Variants in COL9A1 observed in about 807,000 individuals in gnomAD.
COL9A1 encodes collagen type IX alpha 1 chain.
COL9A1 carries 104 observed loss-of-function variants against 142.6 expected under a neutral mutation model. That is an observed-to-expected ratio of 0.73 (90% CI 0.62 to 0.86). The LOEUF (loss-of-function observed/expected upper bound fraction) is 0.86, where lower values mean the gene tolerates loss of function less well. COL9A1 is among the 40% of genes least tolerant of loss of function. The pLI, the probability that COL9A1 is intolerant of heterozygous loss-of-function variation, is 0.00. For missense variants in COL9A1, 1,210 were observed against 1,176.6 expected (o/e 1.03, Z -0.42); for synonymous variants, 466 against 396.0 (o/e 1.18, Z -2.10).
chr6:70,294,811 G>T (rs1373029001), intron 4 of COL9A1, among the ~76,000 whole-genome samples: 1 of 152,102 alleles, frequency 6.6e-6, no homozygotes, highest in African/African-American at 2.4e-5. Flanking sequence ...GCTAAGGAAG[G>T]TTCCCAATGC....
At chr6:70,253,553 G>A in intron 25 of COL9A1, 124 bp from the exon 26 acceptor site, 1 of 723,776 alleles carries the variant, frequency 1.4e-6, no homozygotes, top group Non-Finnish European at 2.5e-6. Context: ...TTAATGTAAG[G>A]AAGATGCTTC....
rs902029229 is a variant in COL9A1, at chr6:70,283,876, A to T, written c.697-56T>A. 8 of 1,270,026 alleles carry T rather than the reference A, an allele frequency of 6.3e-6. No homozygotes were observed. The African/African-American group carries it at 1.2e-4, about 19-fold the overall frequency. 78.7% of individuals were successfully genotyped at this position (1,270,026 alleles called of 1,614,324 possible). A position where few individuals can be genotyped will look rare whatever the true frequency, so the allele number is the denominator to read the frequency against. The stretch of plus-strand genomic sequence containing the variant: ...GTTTTTTGGACGACTGAAGCTGGTC[A>T]TTCAAGAGAGAGATGAGTTGCGTCT... On this transcript the variant is annotated intron_variant, in intron 5 of 37. Transcript: ENST00000357250.
chr6:70,218,434 G>A (rs979236469), intron 37 of COL9A1, among the ~76,000 whole-genome samples: 4 of 152,176 alleles, frequency 2.6e-5, no homozygotes, highest in Admixed American at 6.5e-5. Context: ...AGGAATTTCT[G>A]CTGAATGTTT....
chr6:70,243,428 C>G (rs1770392255), intron 28 of COL9A1, among the ~76,000 whole-genome samples: 1 of 152,190 alleles, frequency 6.6e-6, no homozygotes, highest in Non-Finnish European at 1.5e-5. Context: ...AAATGCTAAG[C>G]TTTTCTAATC....
chr6:70,230,375 T>C (rs1769469083), intron 36 of COL9A1, among the ~76,000 whole-genome samples: 2 of 152,046 alleles, frequency 1.3e-5, no homozygotes, highest in South Asian at 2.1e-4. Flanking sequence ...TAAGAGAAGA[T>C]ACAGCTTTAA....
chr6:70,301,857 G>A, intron 2 of COL9A1, 144 bp downstream of exon 2: 2 of 707,828 alleles, frequency 2.8e-6, no homozygotes, highest in South Asian at 1.6e-5. Flanking sequence ...AGAACCTAAT[G>A]TATCCCTGTG....
intron 25 of COL9A1, 34 bp downstream of exon 25, chr6:70,254,442 A>G: frequency 6.3e-7 from 1 of 1,596,568 alleles, no homozygotes; most frequent in Non-Finnish European, 8.6e-7. Context: ...ACATGTATAT[A>G]AACCAATTAA....
intron 4 of COL9A1, among the ~76,000 whole-genome samples, chr6:70,295,417 G>A (rs554303258): frequency 6.7e-6 from 1 of 149,934 alleles, no homozygotes; most frequent in African/African-American, 2.5e-5. Context: ...CTTCCAAGTA[G>A]GTGGGATTAC....
At chr6:70,300,275 G>A (rs1340207062) in intron 3 of COL9A1, 34 bp downstream of exon 3, 2 of 1,604,530 alleles carry the variant, frequency 1.2e-6, no homozygotes, top group Non-Finnish European at 1.7e-6. Flanking sequence ...TTTATAGAAA[G>A]CATGCATTTT....
At chr6:70,218,791 A>G (rs1348369828) in intron 37 of COL9A1, among the ~76,000 whole-genome samples, 3 of 152,218 alleles carry the variant, frequency 2.0e-5, no homozygotes, top group South Asian at 4.1e-4. Context: ...CCTGCTTTAC[A>G]TAACATCTCA....
intron 6 of COL9A1, chr6:70,283,143 C>A: frequency 6.6e-7 from 1 of 1,526,050 alleles, no homozygotes; most frequent in Non-Finnish European, 8.8e-7. Context: ...GGTGGCACTT[C>A]GTCCCTGCAG....
chr6:70,263,627 A>C (rs1054807430), intron 18 of COL9A1, among the ~76,000 whole-genome samples: 1 of 151,992 alleles, frequency 6.6e-6, no homozygotes, highest in Non-Finnish European at 1.5e-5. Flanking sequence ...AGAGATAGAG[A>C]GAGTAAAGTT....
intron 17 of COL9A1, among the ~76,000 whole-genome samples, chr6:70,267,327 G>GTTTTTTT (rs61373051): frequency 2.4e-5 from 3 of 127,032 alleles, no homozygotes; most frequent in Non-Finnish European, 3.3e-5. Context: ...TGGTTTTTTT[G>GTTTTTTT]TTTTTTTTTT....
intron 20 of COL9A1, among the ~76,000 whole-genome samples, chr6:70,259,168 A>C (rs1771515191): frequency 6.6e-6 from 1 of 152,208 alleles, no homozygotes; most frequent in African/African-American, 2.4e-5. Flanking sequence ...AAAATGATAA[A>C]TAAGCTTCAT....
Position 70,216,211 on chromosome 6 carries a change from T to C in COL9A1, c.*686A>G, listed in dbSNP as rs1768491756. The C allele has an allele frequency of 6.6e-6, 1 of 152,648 alleles. No individual in the cohort carries two copies. Among genetic ancestry groups the C allele is most frequent in the African/African-American group, 2.4e-5 (1 of 41,450 alleles). The allele number at this position is 152,648 out of a possible 1,614,324, so 9.5% of individuals were successfully genotyped here. On this transcript the variant is annotated 3_prime_UTR_variant, in exon 38 of 38. Transcript: ENST00000357250. ...AATAAATAATCTCATCAATAAAATT[T>C]ATGAATGCCAGAGTATTAAAATTAT...
intron 36 of COL9A1, among the ~76,000 whole-genome samples, chr6:70,230,646 C>G (rs1418351007): frequency 1.3e-5 from 2 of 152,200 alleles, no homozygotes; most frequent in Non-Finnish European, 2.9e-5. Context: ...CCAACCCAGC[C>G]TAGCCACAAT....
At chr6:70,244,803 T>C (rs1328314109) in intron 28 of COL9A1, among the ~76,000 whole-genome samples, 1 of 140,950 alleles carries the variant, frequency 7.1e-6, no homozygotes, top group Non-Finnish European at 1.5e-5. Flanking sequence ...GCTGGACTCT[T>C]ATTTTCTCTG....
intron 37 of COL9A1, among the ~76,000 whole-genome samples, chr6:70,224,232 T>A (rs1027335489): frequency 2.0e-5 from 3 of 152,218 alleles, no homozygotes; most frequent in African/African-American, 7.2e-5. Flanking sequence ...GATGGTCTGA[T>A]GTTCTAAAAA....
chr6:70,290,791 AG>A, intron 5 of COL9A1, among the ~76,000 whole-genome samples: 1 of 152,276 alleles, frequency 6.6e-6, no homozygotes, highest in South Asian at 2.1e-4. Flanking sequence ...CTCTGAAAAA[AG>A]TATTCAATTA....
Sources: gnomAD v4.1 joint callset for allele counts (sites outside exome capture counted in the v4.1 genomes callset) on GRCh38, gnomAD v4.1.1 for gene constraint, MANE v1.5 for transcripts, NCBI Gene and HGNC (gene_info 2026-07-23, HGNC 2026-07-21) for gene names.